The following SPTBN2 variants were observed in gnomAD, a reference collection of about 807,000 sequenced individuals.
The protein encoded by SPTBN2 is spectrin beta, non-erythrocytic 2.
SPTBN2 carries 107 observed loss-of-function variants against 284.2 expected under a neutral mutation model. The observed-to-expected ratio is 0.38, with a 90% CI of 0.32 to 0.44. The LOEUF is 0.44. Ranked by LOEUF, SPTBN2 falls within the 20% of genes least tolerant of loss-of-function variation. The pLI is 1.00. For synonymous variants in SPTBN2, 1,289 were observed against 1,354.8 expected, an observed-to-expected ratio of 0.95 and a Z score of 1.07; for missense variants, 2,569 against 3,287.1, an observed-to-expected ratio of 0.78 and a Z score of 5.34.
chr11:66,691,351 T>C lies in SPTBN2; in HGVS notation c.5498A>G (p.Asn1833Ser), dbSNP rs1008380765. The C allele has an allele frequency of 1.9e-6, 3 of 1,575,024 alleles. No individual in the cohort carries two copies. The African/African-American group carries it at 4.0e-5, about 21-fold the overall frequency. ...TCGGCGCTGCAGGGCCTCGGCAGCG[T>C]TGAGGTCGCGGCCAGTCCCGTCCGG... ...QLPDGTGRDL[N>S]AAEALQRRHC... The change falls in exon 27 of 38, where the codon AAC becomes AGC. Residue 1833 changes from asparagine to serine, a missense_variant. By Grantham distance (46) the Asn-to-Ser change is conservative. Transcript: ENST00000533211. This position sits in a 1 kb window ranked among gnomAD's most constrained non-coding sequence, Gnocchi z 8.0.
At chr11:66,722,029 A>G (rs1267485952) in intron 1 of SPTBN2, among the ~76,000 whole-genome samples, 2 of 150,804 alleles carry the variant, frequency 1.3e-5, no homozygotes, top group African/African-American at 2.4e-5. Flanking sequence ...TCTGCTCTTG[A>G]GTTAAGAAAA....
At chr11:66,742,870 A>G (rs1249885932) in intron 1 of SPTBN2, among the ~76,000 whole-genome samples, 2 of 152,160 alleles carry the variant, frequency 1.3e-5, no homozygotes, top group Non-Finnish European at 2.9e-5. Flanking sequence ...TGGGCCTCCC[A>G]AAGTGTTGGG....
Position 66,704,980 on chromosome 11 carries a change from C to G in SPTBN2, c.2296G>C (p.Ala766Pro). The change falls in exon 15 of 38, where the codon GCA becomes CCA. Residue 766 changes from alanine to proline, a missense_variant. Physicochemically the swap from Ala to Pro is conservative, Grantham distance 27 (BLOSUM62 -1). Transcript: ENST00000533211. ...ANDMEAWLVD[A>P]LRLVSSPELG... ...TCGGGGCTGGACACCAGGCGCAGTGCGTCAACCAACCAGGCCTCCATGTCG... is the reference window on the plus strand; with the variant it reads ...TCGGGGCTGGACACCAGGCGCAGTGGGTCAACCAACCAGGCCTCCATGTCG... The G allele has an allele frequency of 6.2e-7, 1 of 1,607,380 alleles. No individual in the cohort carries two copies. Among genetic ancestry groups the G allele is most frequent in the South Asian group, 1.1e-5 (1 of 91,088 alleles).
intron 1 of SPTBN2, among the ~76,000 whole-genome samples, chr11:66,727,539 A>C (rs1358120913): frequency 6.6e-6 from 1 of 152,218 alleles, no homozygotes; most frequent in East Asian, 1.9e-4. Flanking sequence ...GGCGGACCGC[A>C]CAGCCCTATC....
chr11:66,687,346 C>T lies in SPTBN2; in HGVS notation c.6722+81G>A, dbSNP rs771058404. The T allele has an allele frequency of 1.4e-5, 22 of 1,571,878 alleles. No homozygotes were observed. Among genetic ancestry groups the T allele is most frequent in the Non-Finnish European group, 1.7e-5 (20 of 1,155,218 alleles). On this transcript the variant is annotated intron_variant, in intron 35 of 37. Transcript: ENST00000533211. The surrounding 1 kb of genome is among the most constrained non-coding windows in gnomAD (Gnocchi z 5.2). ...TCCTACCCTTTGCCCAGAAGATGTA[C>T]TCTAAAGGGCATCCCTCCCTCTATC...
intron 32 of SPTBN2, 29 bp downstream of exon 32, chr11:66,688,137 GCCT>G (rs1565110201): frequency 3.1e-6 from 5 of 1,613,250 alleles, no homozygotes; most frequent in Admixed American, 3.3e-5. Context: ...GGGCTCAGCC[GCCT>G]CCTCCTACCC....
Position 66,691,260 on chromosome 11 carries a change from C to T in SPTBN2, c.5565+24G>A. 3 of 1,513,538 alleles carry T rather than the reference C, an allele frequency of 2.0e-6. No individual in the cohort carries two copies. The highest frequency in any genetic ancestry group is 2.7e-6 in the Non-Finnish European group (3 of 1,129,930). The allele number at this position is 1,513,538 out of a possible 1,614,324, so 93.8% of individuals were successfully genotyped here. On this transcript the variant is annotated intron_variant, in intron 27 of 37. Transcript: ENST00000533211. This position sits in a 1 kb window ranked among gnomAD's most constrained non-coding sequence, Gnocchi z 8.0. ...CCCATGGCCTCCTCTAAGCCTCCCC[C>T]ACCTCCTCATGCTTGGGTCAGACCT... is the stretch of plus-strand genomic sequence containing the variant.
chr11:66,715,786 A>G lies in SPTBN2; in HGVS notation c.309+44T>C. ...GTTCTTCCAGCTGGTCCCCTTGGAC[A>G]CTTTTCTAAGGCCCCCCCACTTCCC... On this transcript the variant is annotated intron_variant, in intron 4 of 37. Coordinates refer to ENST00000533211, the MANE Select transcript of SPTBN2 (RefSeq NM_006946.4). This position sits in a 1 kb window ranked among gnomAD's most constrained non-coding sequence, Gnocchi z 5.3. 6.2e-7 allele frequency: 1 copy of G among 1,609,728 alleles called. No homozygotes were observed. Among genetic ancestry groups the G allele is most frequent in the South Asian group, 1.1e-5 (1 of 90,344 alleles).
chr11:66,709,127 A>C, intron 10 of SPTBN2, 108 bp from the exon 11 acceptor site: 1 of 909,708 alleles, frequency 1.1e-6, no homozygotes, highest in Non-Finnish European at 1.8e-6. Context: ...TTACAAAAGC[A>C]ATATAAACTT....
chr11:66,690,274 C>A lies in SPTBN2; in HGVS notation c.5575G>T (p.Val1859Leu). ...TGGAGCCGGTGGCCGTCGTCCTGCA[C>A]CTGCTGGACCTGCGGAGCCCCGGGT... is the stretch of plus-strand genomic sequence containing the variant. ...IQALSPQVQQ[V>L]QDDGHRLQKA... The change falls in exon 28 of 38, where the codon GTG (valine) becomes TTG (leucine). Residue 1859 changes from valine (V) to leucine (L), a missense_variant. Coordinates refer to ENST00000533211, the MANE Select transcript of SPTBN2 (RefSeq NM_006946.4). 2 of 1,607,208 alleles carry A rather than the reference C, an allele frequency of 1.2e-6. No individual in the cohort carries two copies. The highest frequency in any genetic ancestry group is 8.5e-7 in the Non-Finnish European group (1 of 1,177,432).
Position 66,721,409 on chromosome 11 carries a change from C to T in SPTBN2, c.-82G>A. On this transcript the variant is annotated 5_prime_UTR_variant, in exon 2 of 38. Transcript: ENST00000533211. Reference sequence around the variant, plus strand: ...GTTGGCTGCTCAGTGGAAATCAGCCCCCAGGGGAAGAGGGGAAGCCACCTG... The same window carrying T: ...GTTGGCTGCTCAGTGGAAATCAGCCTCCAGGGGAAGAGGGGAAGCCACCTG... 1 of 911,936 alleles carries T rather than the reference C, an allele frequency of 1.1e-6. No individual in the cohort carries two copies. Among genetic ancestry groups the T allele is most frequent in the Non-Finnish European group, 1.7e-6 (1 of 576,902 alleles). The allele number at this position is 911,936 out of a possible 1,614,324, so 56.5% of individuals were successfully genotyped here. A position where few individuals can be genotyped will look rare whatever the true frequency, so the allele number is the denominator to read the frequency against.
chr11:66,704,543 G>GCCC (rs989451000), intron 15 of SPTBN2, 55 bp downstream of exon 15: 11 of 1,550,548 alleles, frequency 7.1e-6, no homozygotes, highest in Non-Finnish European at 9.7e-6. Flanking sequence ...CCACATCCTG[G>GCCC]CCCCCCCACC....
chr11:66,708,153 G>T lies in SPTBN2; in HGVS notation c.1338C>A (p.Arg446=). The T allele has an allele frequency of 6.2e-7, 1 of 1,613,152 alleles. No individual in the cohort carries two copies. The highest frequency in any genetic ancestry group is 2.2e-5 in the East Asian group (1 of 44,880). ...CCTCAAGTCCTACCTGGGACACGAGGCGCTGGTTCTCGCTGAGCCAGGTCT... is the reference window on the plus strand; with the variant it reads ...CCTCAAGTCCTACCTGGGACACGAGTCGCTGGTTCTCGCTGAGCCAGGTCT... The part of the protein sequence containing the change: ...MRETWLSENQ[R]LVSQDNFGLE... Residue 446 remains arginine, a synonymous_variant, in exon 12 of 38, where the codon CGC becomes CGA. Coordinates refer to ENST00000533211, the MANE Select transcript of SPTBN2 (RefSeq NM_006946.4). This position sits in a 1 kb window ranked among gnomAD's most constrained non-coding sequence, Gnocchi z 4.4.
At chr11:66,704,461 GT>G in intron 15 of SPTBN2, 136 bp downstream of exon 15, 1 of 1,084,064 alleles carries the variant, frequency 9.2e-7, no homozygotes, top group Non-Finnish European at 1.3e-6. Context: ...AACATTTTTT[GT>G]TAAAACTAGA....
Position 66,715,410 on chromosome 11 carries a change from G to C in SPTBN2, c.310-15C>G. Reference sequence around the variant, plus strand: ...GTAGGCTTTGGCTGTGGAGGGACGGGGGCAAAATGGCACGGGACTGTGGGC... The same window carrying C: ...GTAGGCTTTGGCTGTGGAGGGACGGCGGCAAAATGGCACGGGACTGTGGGC... On this transcript the variant is annotated splice_polypyrimidine_tract_variant and intron_variant, in intron 4 of 37. Transcript: ENST00000533211. The surrounding 1 kb of genome is among the most constrained non-coding windows in gnomAD (Gnocchi z 5.3). 6.2e-7 allele frequency: 1 copy of C among 1,605,118 alleles called. No homozygotes were observed. Among genetic ancestry groups the C allele is most frequent in the South Asian group, 1.1e-5 (1 of 90,340 alleles).
chr11:66,684,101 TTCG>T lies in SPTBN2; in HGVS notation c.*1767_*1769del, dbSNP rs1370353327. 6.6e-6 allele frequency among the ~76,000 whole-genome samples: 1 copy of T among 152,202 alleles called. No homozygotes were observed. The highest frequency in any genetic ancestry group is 2.4e-5 in the African/African-American group (1 of 41,446). ...GGGCCTGCACACACCTAACTCGGTC[TTCG>T]TCATGACTGATGATAGGCCCGCAGT... On this transcript the variant is annotated 3_prime_UTR_variant, in exon 38 of 38. Coordinates refer to ENST00000533211, the MANE Select transcript of SPTBN2 (RefSeq NM_006946.4).
At chr11:66,702,561 G>A (rs769397339) in intron 15 of SPTBN2, among the ~76,000 whole-genome samples, 7 of 152,160 alleles carry the variant, frequency 4.6e-5, no homozygotes, top group East Asian at 3.8e-4. Flanking sequence ...CAGCTGCTGC[G>A]GCAACTATTC....
Position 66,704,739 on chromosome 11 carries a change from C to T in SPTBN2, c.2537G>A (p.Arg846Gln), listed in dbSNP as rs1428439827. The change falls in exon 15 of 38, where the codon CGG (arginine) becomes CAG (glutamine). Residue 846 changes from arginine to glutamine, a missense_variant. By Grantham distance (43) the Arg-to-Gln change is conservative. Coordinates refer to ENST00000533211, the MANE Select transcript of SPTBN2 (RefSeq NM_006946.4). ...ELQARAGERA[R>Q]ALEAALALYT... is the part of the protein sequence containing the mutation. The stretch of plus-strand genomic sequence containing the variant: ...GAGCGCCAGGGCTGCCTCCAAGGCC[C>T]GCGCTCGCTCGCCTGCCCGGGCCTG... 6.2e-7 allele frequency: 1 copy of T among 1,601,832 alleles called. No homozygotes were observed. Among genetic ancestry groups the T allele is most frequent in the Non-Finnish European group, 8.5e-7 (1 of 1,175,666 alleles).
chr11:66,694,001 G>T, intron 22 of SPTBN2, 138 bp downstream of exon 22: 1 of 1,314,902 alleles, frequency 7.6e-7, no homozygotes, highest in Non-Finnish European at 1.1e-6. Flanking sequence ...GCATCTCCAA[G>T]TCTCCCTATA....
Sources: allele counts gnomAD v4.1 joint callset (sites outside exome capture counted in the v4.1 genomes callset), GRCh38; gene constraint gnomAD v4.1.1; non-coding constraint Gnocchi (gnomAD v3.1); transcripts MANE v1.5; gene names NCBI Gene and HGNC (gene_info 2026-07-23, HGNC 2026-07-21).